The following HCN1 variants were observed in gnomAD, a reference collection of about 807,000 sequenced individuals.
The protein encoded by HCN1 is potassium/sodium hyperpolarization-activated cyclic nucleotide-gated channel 1.
Under a neutral mutation model 78.9 loss-of-function variants are expected in HCN1, and 13 were observed. The ratio of observed to expected loss-of-function variants is 0.16; its 90% CI spans 0.11 to 0.26. The LOEUF (loss-of-function observed/expected upper bound fraction) is 0.26. HCN1 is among the 10% of genes least tolerant of loss of function. HCN1 has a pLI of 1.00. For missense variants in HCN1, 810 were observed against 1,154.3 expected, an observed-to-expected ratio of 0.70 and a Z score of 4.32; for synonymous variants, 552 against 455.5, an observed-to-expected ratio of 1.21 and a Z score of -2.70.
intron 4 of HCN1, among the ~76,000 whole-genome samples, chr5:45,378,497 C>G (rs1016403979): frequency 1.3e-5 from 2 of 152,014 alleles, no homozygotes; most frequent in Admixed American, 6.6e-5. Flanking sequence ...TATTCTCTAC[C>G]TCTAACTGGA....
At chr5:45,513,500 C>T (rs1742457591) in intron 2 of HCN1, among the ~76,000 whole-genome samples, 1 of 152,122 alleles carries the variant, frequency 6.6e-6, no homozygotes, top group Non-Finnish European at 1.5e-5. Flanking sequence ...ATAGACCAGG[C>T]CTGGACTGGC....
intron 6 of HCN1, among the ~76,000 whole-genome samples, chr5:45,291,238 A>T (rs1458234496): frequency 6.6e-6 from 1 of 151,954 alleles, no homozygotes; most frequent in East Asian, 1.9e-4. Context: ...CCTGTAGTTC[A>T]TTAACTCTAC....
chr5:45,508,533 G>A (rs1489522451), intron 2 of HCN1, among the ~76,000 whole-genome samples: 1 of 151,940 alleles, frequency 6.6e-6, no homozygotes, highest in Non-Finnish European at 1.5e-5. Flanking sequence ...ATTAGGCACT[G>A]TCTTTTCTGG....
At chr5:45,351,681 A>C (rs1294817776) in intron 5 of HCN1, among the ~76,000 whole-genome samples, 1 of 145,586 alleles carries the variant, frequency 6.9e-6, no homozygotes, top group African/African-American at 2.7e-5. Context: ...AATTTATAAG[A>C]AAAAAACAAA....
At chr5:45,284,526 T>C (rs929210006) in intron 6 of HCN1, among the ~76,000 whole-genome samples, 2 of 152,260 alleles carry the variant, frequency 1.3e-5, no homozygotes, top group African/African-American at 4.8e-5. Flanking sequence ...ATCTGTGCAC[T>C]GAAATGCTTG....
At chr5:45,395,385 T>C (rs1467587798) in intron 4 of HCN1, among the ~76,000 whole-genome samples, 1 of 152,182 alleles carries the variant, frequency 6.6e-6, no homozygotes, top group Admixed American at 6.6e-5. Flanking sequence ...ATTTGGAGAC[T>C]ATTTAAAAAT....
chr5:45,636,342 A>G (rs1745356380), intron 2 of HCN1, among the ~76,000 whole-genome samples: 1 of 152,212 alleles, frequency 6.6e-6, no homozygotes, highest in African/African-American at 2.4e-5. Context: ...TCATAAACCA[A>G]TAGTATTAGC....
At chr5:45,449,808 G>C (rs1740878635) in intron 3 of HCN1, among the ~76,000 whole-genome samples, 1 of 152,016 alleles carries the variant, frequency 6.6e-6, no homozygotes, top group Non-Finnish European at 1.5e-5. Context: ...CTATGCATAA[G>C]AATATTGAAA....
chr5:45,508,596 C>T (rs1469504580), intron 2 of HCN1, among the ~76,000 whole-genome samples: 3 of 152,050 alleles, frequency 2.0e-5, no homozygotes, highest in East Asian at 3.9e-4. Flanking sequence ...ATAATCATGC[C>T]ACTGAAAAGC....
At chr5:45,388,121 T>C (rs1427077312) in intron 4 of HCN1, among the ~76,000 whole-genome samples, 2 of 152,250 alleles carry the variant, frequency 1.3e-5, no homozygotes, top group Non-Finnish European at 2.9e-5. Flanking sequence ...ACTATTGTTT[T>C]TCAAGTACTC....
intron 2 of HCN1, among the ~76,000 whole-genome samples, chr5:45,469,764 A>G (rs1282719256): frequency 6.6e-6 from 1 of 151,614 alleles, no homozygotes; most frequent in Non-Finnish European, 1.5e-5. Context: ...AAGAATAATT[A>G]AAAATCCTAA....
At chr5:45,577,695 C>T (rs1471827977) in intron 2 of HCN1, among the ~76,000 whole-genome samples, 1 of 151,854 alleles carries the variant, frequency 6.6e-6, no homozygotes. Flanking sequence ...GAAATATATG[C>T]AAATTATAAA....
intron 5 of HCN1, among the ~76,000 whole-genome samples, chr5:45,315,884 T>G (rs1452244899): frequency 6.6e-6 from 1 of 152,172 alleles, no homozygotes; most frequent in Non-Finnish European, 1.5e-5. Context: ...AATCCCTGAA[T>G]AGACCAATAA....
At chr5:45,620,457 A>C (rs1421550919) in intron 2 of HCN1, among the ~76,000 whole-genome samples, 2 of 151,944 alleles carry the variant, frequency 1.3e-5, no homozygotes, top group East Asian at 3.9e-4. Flanking sequence ...TATTCTATAA[A>C]TCTAAAATTA....
chr5:45,318,745 A>G (rs1354486570), intron 5 of HCN1, among the ~76,000 whole-genome samples: 2 of 151,604 alleles, frequency 1.3e-5, no homozygotes, highest in African/African-American at 2.4e-5. Context: ...AAGTGGACAA[A>G]TCCTAAGTGT....
At chr5:45,441,847 TGAA>T in intron 3 of HCN1, among the ~76,000 whole-genome samples, 1 of 152,270 alleles carries the variant, frequency 6.6e-6, no homozygotes, top group African/African-American at 2.4e-5. Flanking sequence ...ACATGAGAAT[TGAA>T]GAAGACAGGA....
intron 2 of HCN1, among the ~76,000 whole-genome samples, chr5:45,542,180 C>T (rs1014706063): frequency 6.6e-6 from 1 of 152,148 alleles, no homozygotes; most frequent in African/African-American, 2.4e-5. Context: ...AATTCTTTCA[C>T]ACATTTTTCC....
intron 5 of HCN1, among the ~76,000 whole-genome samples, chr5:45,351,862 A>C (rs1413003055): frequency 6.6e-6 from 1 of 152,022 alleles, no homozygotes; most frequent in Non-Finnish European, 1.5e-5. Flanking sequence ...GCGATCATTA[A>C]AAAGTCAGGA....
intron 1 of HCN1, among the ~76,000 whole-genome samples, chr5:45,650,610 AAAT>A (rs994246192): frequency 3.9e-5 from 6 of 151,986 alleles, no homozygotes; most frequent in South Asian, 2.1e-4. Flanking sequence ...AGGCTAAATA[AAAT>A]ATTATCACTA....
Sources: allele counts gnomAD v4.1 joint callset (sites outside exome capture counted in the v4.1 genomes callset), GRCh38; gene constraint gnomAD v4.1.1; transcripts MANE v1.5; gene names NCBI Gene and HGNC (gene_info 2026-07-23, HGNC 2026-07-21).